The following DTNB variants were observed in gnomAD, a reference collection of about 807,000 sequenced individuals.
The protein encoded by DTNB is dystrobrevin beta, also known as DTN-B.
In DTNB, 63 loss-of-function variants were observed where a neutral mutation model predicts 90.7. The ratio of observed to expected loss-of-function variants is 0.69; its 90% CI spans 0.57 to 0.86. DTNB has a LOEUF of 0.86. Among genes scored for constraint, DTNB ranks in the 40% least tolerant of loss-of-function variants. The pLI is 0.00. For missense variants in DTNB, 744 were observed against 807.1 expected (o/e 0.92, Z 0.95); for synonymous variants, 277 against 286.7 (o/e 0.97, Z 0.34).
intron 15 of DTNB, among the ~76,000 whole-genome samples, chr2:25,420,472 ATCTATCTATCTATCT>A (rs2049212534): frequency 2.5e-5 from 1 of 40,188 alleles, no homozygotes; most frequent in Non-Finnish European, 7.2e-5. Context: ...AAATCAATCT[ATCTATCTATCTATCT>A]ATCTATCTAT....
intron 3 of DTNB, among the ~76,000 whole-genome samples, chr2:25,631,683 C>A (rs2075794719): frequency 6.6e-6 from 1 of 151,628 alleles, no homozygotes; most frequent in Admixed American, 6.6e-5. Flanking sequence ...ATAAACATAA[C>A]CTCAAAGGGA....
At chr2:25,531,372 G>A in intron 9 of DTNB, 101 bp downstream of exon 9, 1 of 1,487,844 alleles carries the variant, frequency 6.7e-7, no homozygotes, top group South Asian at 1.5e-5. Flanking sequence ...AACCTGAGAA[G>A]TTGAATGGTC....
intron 16 of DTNB, among the ~76,000 whole-genome samples, chr2:25,401,761 C>T (rs938053544): frequency 6.6e-6 from 1 of 152,224 alleles, no homozygotes; most frequent in Non-Finnish European, 1.5e-5. Context: ...CATCCCCCTC[C>T]ACACGCACAC....
At chr2:25,621,442 T>C (rs570091950) in intron 4 of DTNB, among the ~76,000 whole-genome samples, 2 of 140,550 alleles carry the variant, frequency 1.4e-5, no homozygotes, top group Non-Finnish European at 3.1e-5. Flanking sequence ...AACTGCTAAA[T>C]CAACTTTTTT....
At chr2:25,553,379 TATA>T (rs1331771501) in intron 8 of DTNB, among the ~76,000 whole-genome samples, 1 of 152,112 alleles carries the variant, frequency 6.6e-6, no homozygotes, top group Admixed American at 6.6e-5. Flanking sequence ...ATGAGAGAAA[TATA>T]ATCCATGTAA....
intron 16 of DTNB, among the ~76,000 whole-genome samples, chr2:25,392,465 C>A (rs1044830025): frequency 6.6e-6 from 1 of 152,062 alleles, no homozygotes. Flanking sequence ...AAAGCTGGTT[C>A]TTTCAAAAGA....
At chr2:25,461,493 A>C (rs2060942575) in intron 10 of DTNB, among the ~76,000 whole-genome samples, 1 of 152,234 alleles carries the variant, frequency 6.6e-6, no homozygotes, top group Non-Finnish European at 1.5e-5. Context: ...GGTTTGTTTC[A>C]GAAATTTGTT....
Position 25,468,500 on chromosome 2 carries a change from G to T in DTNB, c.1080-13006C>A, listed in dbSNP as rs116265207. ...TAGTATGTAAGTCTACAAAACGACC[G>T]AGGGCCAAAGCGCAAGGACGGGAGT... On this transcript the variant is annotated intron_variant, in intron 10 of 20. Coordinates refer to ENST00000406818, the MANE Select transcript of DTNB (RefSeq NM_021907.5). 2.4e-3 allele frequency among the ~76,000 whole-genome samples: 367 copies of T among 152,252 alleles called. 2 individuals are homozygous for T. The highest frequency in any genetic ancestry group is 8.3e-3 in the African/African-American group (345 of 41,536).
intron 10 of DTNB, among the ~76,000 whole-genome samples, chr2:25,467,170 C>T (rs1178376269): frequency 2.0e-5 from 3 of 152,192 alleles, no homozygotes; most frequent in Non-Finnish European, 4.4e-5. Context: ...AATAGAGATT[C>T]ATCTCCATAT....
intron 9 of DTNB, among the ~76,000 whole-genome samples, chr2:25,525,718 T>C (rs2076964879): frequency 6.6e-6 from 1 of 152,186 alleles, no homozygotes; most frequent in Admixed American, 6.5e-5. Flanking sequence ...TTCTAATTCT[T>C]AGCTCTCAGT....
intron 16 of DTNB, among the ~76,000 whole-genome samples, chr2:25,400,634 G>A (rs1489443101): frequency 6.6e-6 from 1 of 152,208 alleles, no homozygotes; most frequent in Non-Finnish European, 1.5e-5. Flanking sequence ...TGCCAGGAGA[G>A]GGCAATTCGC....
chr2:25,449,490 G>A (rs1480569606), intron 12 of DTNB, among the ~76,000 whole-genome samples: 1 of 152,088 alleles, frequency 6.6e-6, no homozygotes, highest in Non-Finnish European at 1.5e-5. Flanking sequence ...CCAACATTTG[G>A]TATCATCCAA....
At chr2:25,507,592 A>G (rs1402971569) in intron 9 of DTNB, among the ~76,000 whole-genome samples, 1 of 151,916 alleles carries the variant, frequency 6.6e-6, no homozygotes, top group Non-Finnish European at 1.5e-5. Context: ...ACCTCTTATT[A>G]CCTCTACTGT....
chr2:25,648,465 CA>C (rs1295314132), intron 2 of DTNB, among the ~76,000 whole-genome samples: 1 of 152,000 alleles, frequency 6.6e-6, no homozygotes, highest in Non-Finnish European at 1.5e-5. Context: ...AAAGGTAACA[CA>C]AGGTTGAAAA....
chr2:25,383,584 T>C lies in DTNB; in HGVS notation c.1879+252A>G, dbSNP rs951653991. Reference sequence around the variant, plus strand: ...AAAGGGTCATCTTTTGTGTTCTACTTGTATCTACTTCCTGTATCCCAACTA... The same window carrying C: ...AAAGGGTCATCTTTTGTGTTCTACTCGTATCTACTTCCTGTATCCCAACTA... On this transcript the variant is annotated intron_variant, in intron 19 of 20. Transcript: ENST00000406818. The C allele has an allele frequency of 1.2e-4, 77 of 663,038 alleles. No homozygotes were observed. The African/African-American group carries it at 1.3e-3, about 12-fold the overall frequency. The allele number at this position is 663,038 out of a possible 1,614,324, so 41.1% of individuals were successfully genotyped here. A position where few individuals can be genotyped will look rare whatever the true frequency, so the allele number is the denominator to read the frequency against.
chr2:25,583,011 A>G (rs985849068), intron 6 of DTNB, among the ~76,000 whole-genome samples: 5 of 152,164 alleles, frequency 3.3e-5, no homozygotes, highest in Non-Finnish European at 7.4e-5. Flanking sequence ...CTGTAATCCC[A>G]GCACTTTGGG....
chr2:25,437,705 A>G (rs2056305156), intron 12 of DTNB, among the ~76,000 whole-genome samples: 1 of 152,230 alleles, frequency 6.6e-6, no homozygotes, highest in Non-Finnish European at 1.5e-5. Flanking sequence ...TTGTTGATCC[A>G]GTTCATAAAG....
At chr2:25,570,416 A>T (rs1393356186) in intron 8 of DTNB, among the ~76,000 whole-genome samples, 2 of 77,422 alleles carry the variant, frequency 2.6e-5, no homozygotes, top group Admixed American at 3.4e-4. Context: ...CAAAAAAAAA[A>T]AAAAAAAAAA....
intron 1 of DTNB, among the ~76,000 whole-genome samples, chr2:25,665,781 A>C (rs1174813269): frequency 2.0e-5 from 3 of 152,028 alleles, no homozygotes; most frequent in African/African-American, 7.2e-5. Flanking sequence ...AGATTTAAAA[A>C]AAAAAAAAAA....
Sources: gnomAD v4.1 joint callset for allele counts (sites outside exome capture counted in the v4.1 genomes callset) on GRCh38, gnomAD v4.1.1 for gene constraint, MANE v1.5 for transcripts, NCBI Gene and HGNC (gene_info 2026-07-23, HGNC 2026-07-21) for gene names.